MYO7B: variants seen among roughly 807,000 people sequenced by gnomAD.
MYO7B encodes the protein unconventional myosin-VIIb.
In MYO7B, 212 loss-of-function variants were observed where a neutral mutation model predicts 259.7. That is an observed-to-expected ratio of 0.82 (90% CI 0.73 to 0.91). The LOEUF is 0.91. MYO7B is among the 40% of genes least tolerant of loss of function. The pLI, the probability that MYO7B is intolerant of heterozygous loss-of-function variation, is 0.00. For missense variants in MYO7B, 2,732 were observed against 2,813.5 expected (o/e 0.97, Z 0.66); for synonymous variants, 1,197 against 1,166.4 (o/e 1.03, Z -0.54).
At chr2:127,555,536 C>T (rs1289875738) in intron 1 of MYO7B, among the ~76,000 whole-genome samples, 1 of 152,174 alleles carries the variant, frequency 6.6e-6, no homozygotes, top group African/African-American at 2.4e-5. Context: ...GCATTTAAGG[C>T]TATAAACTTT....
chr2:127,635,452 T>C, intron 43 of MYO7B: 1 of 625,872 alleles, frequency 1.6e-6, no homozygotes. Context: ...TTGGAGAGGG[T>C]GGGACAGAGG....
chr2:127,588,286 G>GCAT, intron 14 of MYO7B, 106 bp from the exon 15 acceptor site: 1 of 1,309,350 alleles, frequency 7.6e-7, no homozygotes, highest in Non-Finnish European at 1.0e-6. Context: ...ATTGTAGGAG[G>GCAT]GGGCTCCTCC....
Position 127,607,436 on chromosome 2 carries a change from C to T in MYO7B, c.2643+12C>T. ...AAAGGAAGGCCAATGTAGGTGGTCA[C>T]CTGGCCTCTTGGGCAGGTGGGGCTG... is the stretch of plus-strand genomic sequence containing the variant. On this transcript the variant is annotated intron_variant, in intron 21 of 47. Transcript: ENST00000409816. This position sits in a 1 kb window ranked among gnomAD's most constrained non-coding sequence, Gnocchi z 4.4. 3 of 1,550,068 alleles carry T rather than the reference C, an allele frequency of 1.9e-6. No homozygotes were observed. The highest frequency in any genetic ancestry group is 2.6e-6 in the Non-Finnish European group (3 of 1,146,474).
At chr2:127,552,433 G>T (rs1693479486) in intron 1 of MYO7B, among the ~76,000 whole-genome samples, 1 of 152,162 alleles carries the variant, frequency 6.6e-6, no homozygotes, top group Non-Finnish European at 1.5e-5. Context: ...TGGGTCCAGG[G>T]CGTGTTGTGG....
At chr2:127,635,608 C>T (rs1036383794) in intron 43 of MYO7B, 114 bp from the exon 44 acceptor site, 23 of 1,160,306 alleles carry the variant, frequency 2.0e-5, no homozygotes, top group Admixed American at 7.2e-5. Flanking sequence ...CTGCTCAGTC[C>T]GTCCTGGATG....
In MYO7B at chr2:127,615,470, G is replaced by C. The variant is rs1406283; in HGVS notation, c.3398+2867G>C. On this transcript the variant is annotated intron_variant, in intron 26 of 47. Coordinates refer to ENST00000409816, the MANE Select transcript of MYO7B (RefSeq NM_001393586.1). This position sits in a 1 kb window ranked among gnomAD's most constrained non-coding sequence, Gnocchi z 4.4. ...AGTGAGCAAAGACAGCCCCCGCCCT[G>C]AGCTTCTTCAGCCCTTAGTATTTAT... Among the ~76,000 whole-genome samples, 443 of 152,232 alleles carry C rather than the reference G, an allele frequency of 2.9e-3. 1 individual carries two copies. The highest frequency in any genetic ancestry group is 9.8e-3 in the African/African-American group (408 of 41,552).
intron 43 of MYO7B, 92 bp downstream of exon 43, chr2:127,635,318 GC>G: frequency 8.2e-7 from 1 of 1,219,734 alleles, no homozygotes; most frequent in South Asian, 1.3e-5. Context: ...CCAGGGCAGG[GC>G]CAGCCTCAGC....
At chr2:127,558,365 C>A (rs1320122299) in intron 1 of MYO7B, among the ~76,000 whole-genome samples, 19 of 152,128 alleles carry the variant, frequency 1.2e-4, no homozygotes, top group Non-Finnish European at 7.4e-5. Flanking sequence ...AGCATGGATG[C>A]AGTGAAAAGG....
rs1332270905 is a variant in MYO7B at position 127,612,308 on chromosome 2, C to G, written c.3251C>G (p.Ser1084Cys). 2 of 906,270 alleles carry G rather than the reference C, an allele frequency of 2.2e-6. No homozygotes were observed. The highest frequency in any genetic ancestry group is 3.3e-5 in the African/African-American group (2 of 60,862). 56.1% of individuals were successfully genotyped at this position (906,270 alleles called of 1,614,324 possible). The change falls in exon 25 of 48, where the codon TCC (serine) becomes TGC (cysteine). Residue 1084 changes from serine (S) to cysteine (C), a missense_variant. Transcript: ENST00000409816. ...KDISSMKLKR[S>C]SRITGQVASQ... ...ATCTCCTCCATGAAGCTGAAGCGGT[C>G]CTCCCGGATCACAGGCCAGGTGAGC...
intron 1 of MYO7B, among the ~76,000 whole-genome samples, chr2:127,540,546 T>C (rs1316063043): frequency 1.3e-5 from 2 of 152,234 alleles, no homozygotes; most frequent in African/African-American, 4.8e-5. Context: ...GGAATATCCC[T>C]ACTGTTTTCC....
At chr2:127,634,529 C>T in intron 41 of MYO7B, 67 bp from the exon 42 acceptor site, 1 of 1,425,620 alleles carries the variant, frequency 7.0e-7, no homozygotes, top group Non-Finnish European at 9.7e-7. Flanking sequence ...GGACCAGAAC[C>T]CAGCAGGTTC....
intron 10 of MYO7B, among the ~76,000 whole-genome samples, chr2:127,581,485 C>A (rs190541461): frequency 6.6e-6 from 1 of 152,210 alleles, no homozygotes; most frequent in Admixed American, 6.5e-5. Flanking sequence ...TCTTTTGGTT[C>A]GAGGGTACTC....
Position 127,609,432 on chromosome 2 carries a change from G to A in MYO7B, c.2815-74G>A. 1 of 1,411,658 alleles carries A rather than the reference G, an allele frequency of 7.1e-7. No individual in the cohort carries two copies. The highest frequency in any genetic ancestry group is 9.8e-7 in the Non-Finnish European group (1 of 1,021,544). The allele number at this position is 1,411,658 out of a possible 1,614,324, so 87.4% of individuals were successfully genotyped here. ...CAACAGCCCCCGTGCTGCCCGGCCT[G>A]CTGGACAGTCAGCTGATGGGTTGGT... On this transcript the variant is annotated intron_variant, in intron 22 of 47. Transcript: ENST00000409816. The surrounding 1 kb of genome is among the most constrained non-coding windows in gnomAD (Gnocchi z 6.9).
intron 37 of MYO7B, 66 bp downstream of exon 37, chr2:127,631,429 G>C (rs1681502149): frequency 6.4e-7 from 1 of 1,567,228 alleles, no homozygotes; most frequent in African/African-American, 1.3e-5. Flanking sequence ...AGCACATCCT[G>C]GCCCTACAGC....
rs375083360 is a variant in MYO7B, at chr2:127,627,283, C to A, written c.4433C>A (p.Pro1478Gln). Residue 1478 changes from proline to glutamine, a missense_variant, in exon 33 of 48, where the codon CCA becomes CAA. By Grantham distance (76) the Pro-to-Gln change is moderately conservative. Transcript: ENST00000409816. The surrounding 1 kb of genome is among the most constrained non-coding windows in gnomAD (Gnocchi z 5.6). ...AAGATGCTGCTGGAACTCTCTTTCC[C>A]AGAGGTCATGGGTCTGGCCACCAAC... ...QEKMLLELSF[P>Q]EVMGLATNRE... 11 of 1,612,856 alleles carry A rather than the reference C, an allele frequency of 6.8e-6. No individual in the cohort carries two copies. In the African/African-American group the frequency reaches 1.5e-4, roughly 22 times the overall value.
At chr2:127,589,839 G>A in intron 15 of MYO7B, among the ~76,000 whole-genome samples, 1 of 134,826 alleles carries the variant, frequency 7.4e-6, no homozygotes, top group Admixed American at 7.4e-5. Flanking sequence ...ATGGGTGAGT[G>A]GGTGGATGGG....
chr2:127,622,072 G>T lies in MYO7B; in HGVS notation c.3616G>T (p.Ala1206Ser). 1 of 1,550,762 alleles carries T rather than the reference G, an allele frequency of 6.4e-7. No individual in the cohort carries two copies. The highest frequency in any genetic ancestry group is 1.2e-5 in the South Asian group (1 of 84,014). ...LRRTYANGVR[A>S]EPPTWLELQA... ...ACGCACCTATGCCAATGGGGTGCGT[G>T]CGGAGCCCCCCACCTGGCTGGAGCT... is the stretch of plus-strand genomic sequence containing the variant. The change falls in exon 28 of 48, where the codon GCG (alanine) becomes TCG (serine). Residue 1206 changes from alanine to serine, a missense_variant. By Grantham distance (99) the Ala-to-Ser change is moderately conservative. Coordinates refer to ENST00000409816, the MANE Select transcript of MYO7B (RefSeq NM_001393586.1).
rs1304377617 is a variant in MYO7B, at chr2:127,585,367, C to T, written c.1690+454C>T. Among the ~76,000 whole-genome samples the T allele has an allele frequency of 6.6e-6, 1 of 152,156 alleles. No homozygotes were observed. Among genetic ancestry groups the T allele is most frequent in the African/African-American group, 2.4e-5 (1 of 41,432 alleles). ...GTGGTCTTCTGTGGCTGGTTTCTTT[C>T]ACTTAGCATCATGTTTTCAAGGTTC... On this transcript the variant is annotated intron_variant, in intron 14 of 47. Coordinates refer to ENST00000409816, the MANE Select transcript of MYO7B (RefSeq NM_001393586.1). This position sits in a 1 kb window ranked among gnomAD's most constrained non-coding sequence, Gnocchi z 4.3.
intron 27 of MYO7B, among the ~76,000 whole-genome samples, chr2:127,620,966 C>A (rs1050434471): frequency 1.3e-5 from 2 of 152,198 alleles, no homozygotes; most frequent in South Asian, 4.1e-4. Context: ...AAAAGTCACC[C>A]CCACACTCAG....
Sources: allele counts gnomAD v4.1 joint callset (sites outside exome capture counted in the v4.1 genomes callset), GRCh38; gene constraint gnomAD v4.1.1; non-coding constraint Gnocchi (gnomAD v3.1); transcripts MANE v1.5; gene names NCBI Gene and HGNC (gene_info 2026-07-23, HGNC 2026-07-21).